Variants in KDM4D observed in about 807,000 individuals in gnomAD.
The protein encoded by KDM4D is lysine-specific demethylase 4D.
For missense variants in KDM4D, 427 were observed against 674.8 expected (o/e 0.63, Z 4.07); for synonymous variants, 254 against 249.1 (o/e 1.02, Z -0.19).
intron 2 of KDM4D, among the ~76,000 whole-genome samples, chr11:94,988,679 T>C (rs1857909226): frequency 6.6e-6 from 1 of 152,168 alleles, no homozygotes; most frequent in Admixed American, 6.5e-5. Flanking sequence ...TAACTATTGT[T>C]TGTTGGGTAA....
Position 94,998,971 on chromosome 11 carries a change from T to C in KDM4D, c.*27T>C, listed in dbSNP as rs1858003998. 1 of 1,484,964 alleles carries C rather than the reference T, an allele frequency of 6.7e-7. No homozygotes were observed. Among genetic ancestry groups the C allele is most frequent in the East Asian group, 2.3e-5 (1 of 43,436 alleles). The allele number at this position is 1,484,964 out of a possible 1,614,324, so 92.0% of individuals were successfully genotyped here. ...TCCACGGGCTGTCTTTATATCCCAC[T>C]GCCCTGCTGTGTGACAGTTTGATGA... On this transcript the variant is annotated 3_prime_UTR_variant, in exon 3 of 3. Coordinates refer to ENST00000335080, the MANE Select transcript of KDM4D (RefSeq NM_018039.3). The surrounding 1 kb of genome is among the most constrained non-coding windows in gnomAD (Gnocchi z 6.7).
intron 2 of KDM4D, among the ~76,000 whole-genome samples, chr11:94,992,350 A>C (rs1428328991): frequency 5.3e-5 from 8 of 152,134 alleles, no homozygotes; most frequent in African/African-American, 1.9e-4. Flanking sequence ...TGTTTATATA[A>C]GTAGGTAAGA....
intron 2 of KDM4D, among the ~76,000 whole-genome samples, chr11:94,977,960 C>T (rs1187159000): frequency 6.6e-6 from 1 of 152,112 alleles, no homozygotes; most frequent in Admixed American, 6.5e-5. Context: ...AAGTTATTGC[C>T]TTAATCTATT....
Position 94,998,790 on chromosome 11 carries a change from G to A in KDM4D, c.1418G>A (p.Arg473Lys). ...QELTLQTPAK[R>K]PLLAGTTCTA... ...CTGACCCTCCAGACTCCAGCCAAGA[G>A]GCCCCTCTTGGCGGGCACAACATGC... Residue 473 changes from arginine to lysine, a missense_variant, in exon 3 of 3, where the codon AGG becomes AAG. Coordinates refer to ENST00000335080, the MANE Select transcript of KDM4D (RefSeq NM_018039.3). This position sits in a 1 kb window ranked among gnomAD's most constrained non-coding sequence, Gnocchi z 6.7. The A allele has an allele frequency of 6.2e-7, 1 of 1,607,536 alleles. No homozygotes were observed.
At chr11:94,985,633 G>GA (rs587607153) in intron 2 of KDM4D, among the ~76,000 whole-genome samples, 249 of 151,516 alleles carry the variant, frequency 1.6e-3, no homozygotes, top group Middle Eastern at 3.4e-3. Context: ...AAACAATCTT[G>GA]AAAAAAAAGA....
Position 94,997,459 on chromosome 11 carries a change from T to C in KDM4D, c.87T>C (p.Asn29=). Residue 29 remains asparagine (N), a synonymous_variant, in exon 3 of 3, where the codon AAT becomes AAC. Coordinates refer to ENST00000335080, the MANE Select transcript of KDM4D (RefSeq NM_018039.3). ...MIFHPTKEEF[N]DFDKYIAYME... ...TTCATCCAACCAAAGAAGAGTTTAATGATTTTGATAAATATATTGCTTACA... is the reference window on the plus strand; with the variant it reads ...TTCATCCAACCAAAGAAGAGTTTAACGATTTTGATAAATATATTGCTTACA... The C allele has an allele frequency of 1.2e-6, 2 of 1,614,092 alleles. No homozygotes were observed. The highest frequency in any genetic ancestry group is 1.7e-6 in the Non-Finnish European group (2 of 1,179,940).
intron 2 of KDM4D, among the ~76,000 whole-genome samples, chr11:94,985,728 C>T (rs772147397): frequency 2.6e-5 from 4 of 152,040 alleles, no homozygotes; most frequent in Non-Finnish European, 5.9e-5. Context: ...TAAGGATAAA[C>T]GGTTCAATGG....
chr11:94,999,144 C>T lies in KDM4D; in HGVS notation c.*200C>T. ...ATACTTTTGTTCTTCCTACCGGACC[C>T]TGGAATGTCTTTGGATATTGCTAAA... is the stretch of plus-strand genomic sequence containing the variant. On this transcript the variant is annotated 3_prime_UTR_variant, in exon 3 of 3. Coordinates refer to ENST00000335080, the MANE Select transcript of KDM4D (RefSeq NM_018039.3). 1 of 456,688 alleles carries T rather than the reference C, an allele frequency of 2.2e-6. No individual in the cohort carries two copies. The allele number at this position is 456,688 out of a possible 1,614,324, so 28.3% of individuals were successfully genotyped here. A position where few individuals can be genotyped will look rare whatever the true frequency, so the allele number is the denominator to read the frequency against.
In KDM4D at chr11:94,997,319, A is replaced by G. The variant is rs1255110143; in HGVS notation, c.-54A>G. The G allele has an allele frequency of 5.0e-6, 7 of 1,388,420 alleles. 1 individual carries two copies. In the Admixed American group the frequency reaches 1.0e-4, roughly 20 times the overall value. The allele number at this position is 1,388,420 out of a possible 1,614,324, so 86.0% of individuals were successfully genotyped here. On this transcript the variant is annotated 5_prime_UTR_variant, in exon 3 of 3. Transcript: ENST00000335080. ...TTTTTTTTTAAAGTAGCATTTTCCT[A>G]CATTGTCAACTATCTAGAACATACC...
chr11:94,998,602 AGTTAGT>A lies in KDM4D; in HGVS notation c.1232_1237del (p.Val411_Ser412del). On this transcript the variant is annotated inframe_deletion, in exon 3 of 3. Coordinates refer to ENST00000335080, the MANE Select transcript of KDM4D (RefSeq NM_018039.3). This position sits in a 1 kb window ranked among gnomAD's most constrained non-coding sequence, Gnocchi z 6.7. The stretch of plus-strand genomic sequence containing the variant: ...GCTCTTCACTCCCACGCCGATCTGC[AGTTAGT>A]GGCACTGCTACGCAGCCCCGGGCTG... 6.2e-7 allele frequency: 1 copy of A among 1,614,084 alleles called. No homozygotes were observed. The highest frequency in any genetic ancestry group is 1.1e-5 in the South Asian group (1 of 91,086).
In KDM4D at chr11:94,999,039, G is replaced by T; in HGVS notation, c.*95G>T. The stretch of plus-strand genomic sequence containing the variant: ...TCCCAAAACTTTGGTTGAGTTTGCA[G>T]GACTCTAGGCATGCATGAAAGAGCC... On this transcript the variant is annotated 3_prime_UTR_variant, in exon 3 of 3. Coordinates refer to ENST00000335080, the MANE Select transcript of KDM4D (RefSeq NM_018039.3). 3 of 1,251,730 alleles carry T rather than the reference G, an allele frequency of 2.4e-6. No individual in the cohort carries two copies. Among genetic ancestry groups the T allele is most frequent in the Non-Finnish European group, 3.2e-6 (3 of 940,798 alleles). The allele number at this position is 1,251,730 out of a possible 1,614,324, so 77.5% of individuals were successfully genotyped here.
chr11:94,985,128 G>A (rs917840554), intron 2 of KDM4D, among the ~76,000 whole-genome samples: 36 of 152,118 alleles, frequency 2.4e-4, no homozygotes, highest in Non-Finnish European at 2.6e-4. Flanking sequence ...AATTAGGCAC[G>A]AGAAAGAAGA....
chr11:94,978,579 G>T (rs1555097241), intron 2 of KDM4D, among the ~76,000 whole-genome samples: 1 of 152,110 alleles, frequency 6.6e-6, no homozygotes, highest in African/African-American at 2.4e-5. Flanking sequence ...TCCAGGCTGG[G>T]TTACTGGATA....
chr11:94,981,537 T>C (rs1590965052), intron 2 of KDM4D, among the ~76,000 whole-genome samples: 1 of 152,168 alleles, frequency 6.6e-6, no homozygotes, highest in East Asian at 1.9e-4. Context: ...ATGGATATAT[T>C]TATTGTTCTG....
intron 2 of KDM4D, among the ~76,000 whole-genome samples, chr11:94,977,235 A>T (rs781909999): frequency 2.0e-5 from 3 of 152,246 alleles, no homozygotes; most frequent in Non-Finnish European, 4.4e-5. Context: ...GATTGGCAAC[A>T]ATTAAAAAAA....
intron 2 of KDM4D, among the ~76,000 whole-genome samples, chr11:94,993,854 G>A (rs1470310322): frequency 6.6e-6 from 1 of 151,800 alleles, no homozygotes; most frequent in Non-Finnish European, 1.5e-5. Flanking sequence ...TTTCTTTAGA[G>A]CAAGTTTTCT....
chr11:94,982,563 A>G (rs1857850674), intron 2 of KDM4D, among the ~76,000 whole-genome samples: 1 of 149,790 alleles, frequency 6.7e-6, no homozygotes, highest in African/African-American at 2.4e-5. Context: ...AAAAAAAGAG[A>G]CATGACTATT....
intron 2 of KDM4D, among the ~76,000 whole-genome samples, chr11:94,985,172 T>G (rs1857874467): frequency 6.6e-6 from 1 of 152,218 alleles, no homozygotes; most frequent in African/African-American, 2.4e-5. Context: ...TAAAACTATC[T>G]TTATTGACAG....
At chr11:94,993,059 C>A (rs1181638664) in intron 2 of KDM4D, among the ~76,000 whole-genome samples, 1 of 152,080 alleles carries the variant, frequency 6.6e-6, no homozygotes, top group Non-Finnish European at 1.5e-5. Flanking sequence ...TGGGCAAGGG[C>A]TGCAGTGAAA....
Sources: gnomAD v4.1 joint callset for allele counts (sites outside exome capture counted in the v4.1 genomes callset) on GRCh38, gnomAD v4.1.1 for gene constraint, Gnocchi (gnomAD v3.1) non-coding constraint, MANE v1.5 for transcripts, NCBI Gene and HGNC (gene_info 2026-07-23, HGNC 2026-07-21) for gene names.